Variants in LGR5 observed in about 807,000 individuals in gnomAD.
The protein encoded by LGR5 is leucine-rich repeat-containing G protein-coupled receptor 5.
In LGR5, 54 loss-of-function variants were observed where a neutral mutation model predicts 76.7. That is an observed-to-expected ratio of 0.70 (90% CI 0.57 to 0.88). The LOEUF (loss-of-function observed/expected upper bound fraction) is 0.88. LGR5 is among the 40% of genes least tolerant of loss of function. The pLI, the probability that LGR5 is intolerant of heterozygous loss-of-function variation, is 0.00. For synonymous variants in LGR5, 406 were observed against 421.9 expected, an observed-to-expected ratio of 0.96 and a Z score of 0.46; for missense variants, 1,078 against 1,073.3, an observed-to-expected ratio of 1.00 and a Z score of -0.06.
intron 2 of LGR5, among the ~76,000 whole-genome samples, chr12:71,516,127 G>A (rs140530947): frequency 3.6e-4 from 55 of 152,068 alleles, no homozygotes; most frequent in African/African-American, 1.2e-3. Context: ...AGGAGAATGA[G>A]GGAGGAAAAA....
intron 1 of LGR5, among the ~76,000 whole-genome samples, chr12:71,477,565 G>A (rs1349452467): frequency 6.6e-6 from 1 of 151,286 alleles, no homozygotes; most frequent in African/African-American, 2.4e-5. Flanking sequence ...TTTTTAAAAA[G>A]TAAAATAAAA....
intron 1 of LGR5, among the ~76,000 whole-genome samples, chr12:71,470,404 C>G (rs1056696889): frequency 2.6e-5 from 4 of 152,132 alleles, no homozygotes; most frequent in Non-Finnish European, 4.4e-5. Flanking sequence ...CAGTTTCCTT[C>G]CATGTATGAC....
At chr12:71,532,603 A>G (rs1376596997) in intron 3 of LGR5, among the ~76,000 whole-genome samples, 1 of 152,152 alleles carries the variant, frequency 6.6e-6, no homozygotes, top group Non-Finnish European at 1.5e-5. Flanking sequence ...ATGAGCACGT[A>G]TTTATATACA....
chr12:71,465,054 C>A (rs1027914545), intron 1 of LGR5, among the ~76,000 whole-genome samples: 1 of 152,060 alleles, frequency 6.6e-6, no homozygotes, highest in Non-Finnish European at 1.5e-5. Flanking sequence ...ACCTTCAGAC[C>A]GACCAGTTAT....
chr12:71,569,080 A>G (rs1326797512), intron 11 of LGR5, among the ~76,000 whole-genome samples: 1 of 152,202 alleles, frequency 6.6e-6, no homozygotes, highest in African/African-American at 2.4e-5. Flanking sequence ...CTGTTTAATA[A>G]ATGGTGCTGA....
At chr12:71,514,517 C>T (rs7975792) in intron 2 of LGR5, among the ~76,000 whole-genome samples, 7 of 150,082 alleles carry the variant, frequency 4.7e-5, no homozygotes, top group Non-Finnish European at 1.0e-4. Flanking sequence ...GCAGTGAGCC[C>T]AGATCGCGCC....
chr12:71,570,878 T>A (rs528043636), intron 11 of LGR5, among the ~76,000 whole-genome samples: 68 of 152,330 alleles, frequency 4.5e-4, no homozygotes, highest in African/African-American at 1.6e-3. Flanking sequence ...GAAACAAAAT[T>A]GTTCTTATAT....
chr12:71,459,037 C>T (rs1221237522), intron 1 of LGR5, among the ~76,000 whole-genome samples: 5 of 151,906 alleles, frequency 3.3e-5, no homozygotes. Flanking sequence ...TAAGTCTGAG[C>T]AGTGGCTGAA....
chr12:71,524,892 A>G (rs1034464981), intron 3 of LGR5, among the ~76,000 whole-genome samples: 3 of 152,174 alleles, frequency 2.0e-5, no homozygotes, highest in Non-Finnish European at 2.9e-5. Flanking sequence ...AGCATCAGCT[A>G]AAAAAACCAA....
chr12:71,458,418 G>A (rs902481449), intron 1 of LGR5, among the ~76,000 whole-genome samples: 3 of 152,082 alleles, frequency 2.0e-5, no homozygotes, highest in African/African-American at 7.2e-5. Flanking sequence ...AATATTTAAA[G>A]ACCAATATTC....
rs538333891 is a variant in LGR5 at position 71,561,849 on chromosome 12, C to A, written c.854C>A (p.Thr285Lys). The A allele has an allele frequency of 2.5e-6, 4 of 1,577,982 alleles. No individual in the cohort carries two copies. The African/African-American group carries it at 4.0e-5, about 16-fold the overall frequency. The change falls in exon 8 of 18, where the codon ACA (threonine) becomes AAA (lysine). Residue 285 changes from threonine to lysine, a missense_variant. Transcript: ENST00000266674. ...TTTGTAGGCAACCCTTCTCTTATTA[C>A]AATGTAAGTGACCATAATGCTTTTC... ...KAFVGNPSLI[T>K]IHFYDNPIQF...
chr12:71,584,397 T>C lies in LGR5; in HGVS notation c.2387T>C (p.Ile796Thr). The part of the protein sequence containing the change: ...SFSSLINLTF[I>T]SPEVIKFILL... ...TCCTCTTTAATAAACCTTACATTTA[T>C]CAGTCCTGAAGTAATTAAGTTTATC... Residue 796 changes from isoleucine (I) to threonine (T), a missense_variant, in exon 18 of 18, where the codon ATC (isoleucine) becomes ACC (threonine). Physicochemically the swap from Ile to Thr is moderately conservative, Grantham distance 89. Transcript: ENST00000266674. 2.5e-6 allele frequency: 4 copies of C among 1,614,208 alleles called. No homozygotes were observed. Among genetic ancestry groups the C allele is most frequent in the Non-Finnish European group, 3.4e-6 (4 of 1,180,016 alleles).
chr12:71,584,492 A>G lies in LGR5; in HGVS notation c.2482A>G (p.Lys828Glu). The stretch of plus-strand genomic sequence containing the variant: ...CTACATCTTGTTCAATCCTCACTTT[A>G]AGGAGGATCTGGTGAGCCTGAGAAA... ...LLYILFNPHF[K>E]EDLVSLRKQT... The change falls in exon 18 of 18, where the codon AAG becomes GAG. Residue 828 changes from lysine (K) to glutamate (E), a missense_variant. Coordinates refer to ENST00000266674, the MANE Select transcript of LGR5 (RefSeq NM_003667.4). 1.9e-6 allele frequency: 3 copies of G among 1,614,092 alleles called. No individual in the cohort carries two copies. The highest frequency in any genetic ancestry group is 2.5e-6 in the Non-Finnish European group (3 of 1,180,004).
At chr12:71,458,509 A>C (rs1291012114) in intron 1 of LGR5, among the ~76,000 whole-genome samples, 1 of 152,180 alleles carries the variant, frequency 6.6e-6, no homozygotes. Flanking sequence ...AGCTGCAGTC[A>C]ACAAACATTT....
rs761988407 is a variant in LGR5, at chr12:71,566,869, C to G, written c.1027C>G (p.Leu343Val). The change falls in exon 11 of 18, where the codon CTT becomes GTT. Residue 343 changes from leucine (L) to valine (V), a missense_variant. By Grantham distance (32) the Leu-to-Val change is conservative. Coordinates refer to ENST00000266674, the MANE Select transcript of LGR5 (RefSeq NM_003667.4). ...LTLTGAQISSLPQTVCNQLPN... is the reference protein window; with the variant it reads ...LTLTGAQISSVPQTVCNQLPN... ...TTTAACTGGAGCACAGATCTCATCT[C>G]TTCCTCAAACCGTCTGCAATCAGTT... 6.2e-7 allele frequency: 1 copy of G among 1,613,818 alleles called. No individual in the cohort carries two copies. Among genetic ancestry groups the G allele is most frequent in the Non-Finnish European group, 8.5e-7 (1 of 1,179,732 alleles).
Position 71,508,588 on chromosome 12 carries a change from T to C in LGR5, c.284+3903T>C, listed in dbSNP as rs569089540. Among the ~76,000 whole-genome samples the C allele has an allele frequency of 4.6e-5, 7 of 151,922 alleles. No individual in the cohort carries two copies. The South Asian group carries it at 1.2e-3, about 27-fold the overall frequency. ...GGCCAATATGGTGAAACCCCGTCTC[T>C]ACTAAAAATACAAAAATTAGCTGGG... is the stretch of plus-strand genomic sequence containing the variant. On this transcript the variant is annotated intron_variant, in intron 2 of 17. Coordinates refer to ENST00000266674, the MANE Select transcript of LGR5 (RefSeq NM_003667.4).
At chr12:71,530,996 GAAA>G (rs35134425) in intron 3 of LGR5, among the ~76,000 whole-genome samples, 1 of 138,658 alleles carries the variant, frequency 7.2e-6, no homozygotes, top group African/African-American at 2.7e-5. Context: ...GTCCTGTTGG[GAAA>G]AAAAAAAAAA....
chr12:71,541,333 T>C (rs1291887126), intron 4 of LGR5, among the ~76,000 whole-genome samples: 3 of 152,210 alleles, frequency 2.0e-5, no homozygotes, highest in Non-Finnish European at 4.4e-5. Flanking sequence ...CTGCCAGTCC[T>C]GTGATAAATT....
chr12:71,484,229 G>A (rs1873732073), intron 1 of LGR5, among the ~76,000 whole-genome samples: 2 of 152,100 alleles, frequency 1.3e-5, no homozygotes, highest in African/African-American at 2.4e-5. Context: ...GAACCTTAGG[G>A]TATTCCTGGA....
Sources: gnomAD v4.1 joint callset for allele counts (sites outside exome capture counted in the v4.1 genomes callset) on GRCh38, gnomAD v4.1.1 for gene constraint, MANE v1.5 for transcripts, NCBI Gene and HGNC (gene_info 2026-07-23, HGNC 2026-07-21) for gene names.